The following XYLB variants were observed in gnomAD, a reference collection of about 807,000 sequenced individuals.
XYLB encodes xylulose kinase.
A neutral mutation model predicts 78.7 loss-of-function variants in XYLB; 62 were observed. The observed-to-expected ratio is 0.79, with a 90% CI of 0.64 to 0.97. The LOEUF is 0.97. Among genes scored for constraint, XYLB ranks in the 50% least tolerant of loss-of-function variants. The pLI is 0.00. For synonymous variants in XYLB, 245 were observed against 247.4 expected, an observed-to-expected ratio of 0.99 and a Z score of 0.09; for missense variants, 687 against 676.8, an observed-to-expected ratio of 1.02 and a Z score of -0.17.
chr3:38,417,903 T>C (rs543852441), downstream of XYLB, among the ~76,000 whole-genome samples: 200 of 142,774 alleles, frequency 1.4e-3, 2 homozygotes, highest in Non-Finnish European at 7.4e-4. Context: ...AAAAAGTATA[T>C]ATATCAGGCC....
chr3:38,355,549 A>G (rs933424349), intron 2 of XYLB, among the ~76,000 whole-genome samples: 1 of 152,226 alleles, frequency 6.6e-6, no homozygotes, highest in Non-Finnish European at 1.5e-5. Flanking sequence ...GCAGAAACTT[A>G]TCAGCTGTCT....
the XYLB span, among the ~76,000 whole-genome samples, chr3:38,437,500 C>T: frequency 2.6e-5 from 4 of 152,120 alleles, no homozygotes; most frequent in Non-Finnish European, 5.9e-5. Context: ...GATATATGAT[C>T]CTATATCCAG....
At chr3:38,408,164 C>A (rs1250891183) in intron 18 of XYLB, among the ~76,000 whole-genome samples, 11 of 151,636 alleles carry the variant, frequency 7.3e-5, no homozygotes, top group Non-Finnish European at 1.3e-4. Context: ...CGTAAAAGAA[C>A]AGAAATTATA....
chr3:38,394,536 T>C (rs1707789624), intron 15 of XYLB, among the ~76,000 whole-genome samples: 2 of 152,252 alleles, frequency 1.3e-5, no homozygotes, highest in South Asian at 4.1e-4. Context: ...CTTATGGCAT[T>C]GACTGGTAGA....
chr3:38,429,705 C>G, the XYLB span, among the ~76,000 whole-genome samples: 2 of 152,200 alleles, frequency 1.3e-5, no homozygotes. Flanking sequence ...ATCCCTCCCC[C>G]AGGCCCCCAC....
At chr3:38,409,679 T>G (rs553868881) in intron 18 of XYLB, among the ~76,000 whole-genome samples, 22 of 152,332 alleles carry the variant, frequency 1.4e-4, no homozygotes, top group African/African-American at 5.3e-4. Flanking sequence ...GATAAGCAAC[T>G]TCAGCAAAGT....
At chr3:38,444,647 C>A in the XYLB span, among the ~76,000 whole-genome samples, 3 of 152,030 alleles carry the variant, frequency 2.0e-5, no homozygotes, top group Non-Finnish European at 4.4e-5. Context: ...GGCCATAGTG[C>A]AGAAAAAAAT....
chr3:38,396,966 G>A (rs196356), intron 16 of XYLB, 106 bp from the exon 17 acceptor site: 34,926 of 1,090,414 alleles, frequency 0.032, 733 homozygotes, highest in Non-Finnish European at 0.038. Flanking sequence ...GGAATGGAAG[G>A]GGTCAGAAGA....
intron 8 of XYLB, among the ~76,000 whole-genome samples, chr3:38,369,638 T>C (rs1559586425): frequency 6.6e-6 from 1 of 152,166 alleles, no homozygotes; most frequent in Non-Finnish European, 1.5e-5. Context: ...TTGATCTCAG[T>C]GACCAGAAGG....
chr3:38,434,036 C>A, the XYLB span, among the ~76,000 whole-genome samples: 3 of 152,198 alleles, frequency 2.0e-5, no homozygotes, highest in African/African-American at 7.2e-5. Context: ...CACCTCTTTA[C>A]AGGGCAGCAG....
chr3:38,411,527 TAA>T (rs948767093), intron 18 of XYLB, among the ~76,000 whole-genome samples: 1 of 145,268 alleles, frequency 6.9e-6, no homozygotes, highest in African/African-American at 2.5e-5. Flanking sequence ...ACTTAAAGTA[TAA>T]AAAAAAAAAT....
the XYLB span, among the ~76,000 whole-genome samples, chr3:38,446,192 A>G: frequency 6.6e-6 from 1 of 152,222 alleles, no homozygotes; most frequent in Non-Finnish European, 1.5e-5. Context: ...TGATTGGTCC[A>G]TTTTACAGTG....
intron 15 of XYLB, among the ~76,000 whole-genome samples, chr3:38,393,008 A>G (rs560707156): frequency 5.9e-5 from 9 of 152,256 alleles, no homozygotes; most frequent in Non-Finnish European, 1.0e-4. Flanking sequence ...TTGGGATCCA[A>G]TTTGATTTTT....
At chr3:38,395,683 AGCTCACAC>A in intron 16 of XYLB, 120 bp downstream of exon 16, 1 of 1,045,212 alleles carries the variant, frequency 9.6e-7, no homozygotes, top group Admixed American at 1.9e-5. Flanking sequence ...GGGAGCTCTT[AGCTCACAC>A]TCCAGGAAGC....
intron 3 of XYLB, 46 bp downstream of exon 3, chr3:38,360,454 A>C: frequency 2.9e-4 from 431 of 1,497,306 alleles, no homozygotes; most frequent in Non-Finnish European, 3.5e-4. Context: ...AGGCTGTCTC[A>C]CTGGCAGACT....
At chr3:38,431,686 T>G in the XYLB span, among the ~76,000 whole-genome samples, 2 of 152,286 alleles carry the variant, frequency 1.3e-5, no homozygotes, top group African/African-American at 4.8e-5. Flanking sequence ...TGGCTGTGGG[T>G]TTGTCATAAA....
intron 12 of XYLB, among the ~76,000 whole-genome samples, 200 bp from the exon 13 acceptor site, chr3:38,375,917 C>T (rs1331861102): frequency 2.6e-5 from 4 of 152,162 alleles, no homozygotes; most frequent in South Asian, 2.1e-4. Flanking sequence ...AGGGCGTTTC[C>T]GGCACCTCCC....
At chr3:38,411,669 C>G (rs1263455297) in intron 18 of XYLB, among the ~76,000 whole-genome samples, 1 of 151,536 alleles carries the variant, frequency 6.6e-6, no homozygotes, top group Non-Finnish European at 1.5e-5. Flanking sequence ...AAACCCTTTC[C>G]TATTCTACAT....
At chr3:38,378,569 A>T (rs530688100) in intron 14 of XYLB, among the ~76,000 whole-genome samples, 81 of 152,188 alleles carry the variant, frequency 5.3e-4, no homozygotes, top group Non-Finnish European at 9.4e-4. Context: ...TTAGGTTGAG[A>T]CCTGAAAGTA....
Sources: gnomAD v4.1 joint callset for allele counts (sites outside exome capture counted in the v4.1 genomes callset) on GRCh38, gnomAD v4.1.1 for gene constraint, MANE v1.5 for transcripts, NCBI Gene and HGNC (gene_info 2026-07-23, HGNC 2026-07-21) for gene names.